Variants in ZNF704 observed in about 807,000 individuals in gnomAD.
ZNF704 encodes zinc finger protein 704.
ZNF704 carries 10 observed loss-of-function variants against 44.7 expected under a neutral mutation model. The observed-to-expected ratio is 0.22, with a 90% CI of 0.14 to 0.38. The LOEUF is 0.38. Among genes scored for constraint, ZNF704 ranks in the 10% least tolerant of loss-of-function variants. The pLI, the probability that ZNF704 is intolerant of heterozygous loss-of-function variation, is 1.00. For synonymous variants in ZNF704, 211 were observed against 207.6 expected, an observed-to-expected ratio of 1.02 and a Z score of -0.14; for missense variants, 390 against 545.5, an observed-to-expected ratio of 0.71 and a Z score of 2.84.
At chr8:80,705,279 G>C (rs758986142) in intron 2 of ZNF704, among the ~76,000 whole-genome samples, 35 of 152,186 alleles carry the variant, frequency 2.3e-4, no homozygotes, top group Admixed American at 5.9e-4. Context: ...TGTGTTTTGT[G>C]TGTCTCTGTG....
intron 6 of ZNF704, among the ~76,000 whole-genome samples, chr8:80,664,409 T>C (rs751182675): frequency 1.3e-5 from 2 of 152,138 alleles, no homozygotes; most frequent in South Asian, 4.2e-4. Flanking sequence ...GTAGCTGGGA[T>C]TACAGGCATG....
In ZNF704 at chr8:80,676,537, A is replaced by C. The variant is rs1371220789; in HGVS notation, c.559-5934T>G. On this transcript the variant is annotated intron_variant, in intron 4 of 8. Coordinates refer to ENST00000327835, the MANE Select transcript of ZNF704 (RefSeq NM_001033723.3). Reference sequence around the variant, plus strand: ...TTGCTAATTTGGTGGAGAAGGGAAAAAAAGGAATTCCTGTATGACTGTTTC... The same window carrying C: ...TTGCTAATTTGGTGGAGAAGGGAAACAAAGGAATTCCTGTATGACTGTTTC... Among the ~76,000 whole-genome samples the C allele has an allele frequency of 2.0e-5, 3 of 152,176 alleles. No homozygotes were observed. In the East Asian group the frequency reaches 5.8e-4, roughly 29 times the overall value.
chr8:80,642,523 C>T (rs574396753), intron 8 of ZNF704, among the ~76,000 whole-genome samples: 1 of 152,336 alleles, frequency 6.6e-6, no homozygotes, highest in African/African-American at 2.4e-5. Context: ...CACGAAATTT[C>T]ATCACACTAC....
chr8:80,791,990 A>C (rs549497963), intron 2 of ZNF704, among the ~76,000 whole-genome samples: 1 of 152,310 alleles, frequency 6.6e-6, no homozygotes, highest in Admixed American at 6.5e-5. Context: ...TTGGCCCACA[A>C]ACATTTGCTG....
At chr8:80,809,521 C>T (rs954999081) in intron 2 of ZNF704, among the ~76,000 whole-genome samples, 1 of 152,116 alleles carries the variant, frequency 6.6e-6, no homozygotes, top group East Asian at 1.9e-4. Context: ...TTGCCAAATC[C>T]AGCCAAAACA....
rs906617770 is a variant in ZNF704, at chr8:80,742,245, C to T, written c.222-49138G>A. Among the ~76,000 whole-genome samples, 4 of 152,174 alleles carry T rather than the reference C, an allele frequency of 2.6e-5. No homozygotes were observed. In the South Asian group the frequency reaches 8.3e-4, roughly 32 times the overall value. On this transcript the variant is annotated intron_variant, in intron 2 of 8. Transcript: ENST00000327835. ...ATTAGAAATGCTTATAGAAGGACCCCTCTTATGGGGTAACCCCCTCCAGGA... is the reference window on the plus strand; with the variant it reads ...ATTAGAAATGCTTATAGAAGGACCCTTCTTATGGGGTAACCCCCTCCAGGA...
chr8:80,730,218 T>C (rs988379074), intron 2 of ZNF704, among the ~76,000 whole-genome samples: 1 of 152,176 alleles, frequency 6.6e-6, no homozygotes, highest in Non-Finnish European at 1.5e-5. Flanking sequence ...AAAATATTGT[T>C]TGTGTGCTCC....
chr8:80,866,339 G>T (rs951703392), intron 1 of ZNF704, among the ~76,000 whole-genome samples: 1 of 152,168 alleles, frequency 6.6e-6, no homozygotes, highest in Non-Finnish European at 1.5e-5. Context: ...GCGGAAGAAG[G>T]CCTATTTACT....
intron 4 of ZNF704, among the ~76,000 whole-genome samples, chr8:80,677,000 G>A (rs1223905067): frequency 6.6e-6 from 1 of 152,146 alleles, no homozygotes; most frequent in East Asian, 1.9e-4. Context: ...CTTAGAGAGT[G>A]GGAAAGGAAT....
chr8:80,734,565 T>C (rs1397883109), intron 2 of ZNF704, among the ~76,000 whole-genome samples: 3 of 152,224 alleles, frequency 2.0e-5, no homozygotes, highest in Admixed American at 6.5e-5. Flanking sequence ...CCAGATGTGA[T>C]GCTGTCACTT....
upstream of ZNF704, among the ~76,000 whole-genome samples, chr8:80,877,874 GA>G (rs1428735527): frequency 6.6e-6 from 1 of 152,184 alleles, no homozygotes; most frequent in Non-Finnish European, 1.5e-5. Context: ...AAAATAAAAG[GA>G]GGGGTAGAAG....
intron 2 of ZNF704, among the ~76,000 whole-genome samples, chr8:80,698,731 T>TCA (rs1264105703): frequency 6.6e-6 from 1 of 152,192 alleles, no homozygotes; most frequent in Non-Finnish European, 1.5e-5. Flanking sequence ...GAAGAGGCAA[T>TCA]CAGCGCAGTG....
At chr8:80,875,992 G>A (rs1809352042), upstream of ZNF704, among the ~76,000 whole-genome samples, 2 of 152,086 alleles carry the variant, frequency 1.3e-5, no homozygotes, top group African/African-American at 4.8e-5. Context: ...ATCCCTAGAG[G>A]CAATTGCCCA....
chr8:80,739,484 A>C (rs917784387), intron 2 of ZNF704, among the ~76,000 whole-genome samples: 2 of 152,192 alleles, frequency 1.3e-5, no homozygotes, highest in Non-Finnish European at 2.9e-5. Flanking sequence ...TATGCTAACA[A>C]ACTCAGGGAG....
chr8:80,735,536 T>C (rs1806651914), intron 2 of ZNF704, among the ~76,000 whole-genome samples: 1 of 152,170 alleles, frequency 6.6e-6, no homozygotes, highest in Non-Finnish European at 1.5e-5. Flanking sequence ...ATATTCAACT[T>C]AGTGTCCAAA....
chr8:80,687,157 G>T, intron 4 of ZNF704, 69 bp downstream of exon 4: 1 of 1,356,230 alleles, frequency 7.4e-7, no homozygotes, highest in Non-Finnish European at 1.0e-6. Flanking sequence ...GCTCACACCG[G>T]CCCTTCAGAG....
At chr8:80,791,483 G>A (rs2129749695) in intron 2 of ZNF704, among the ~76,000 whole-genome samples, 1 of 152,290 alleles carries the variant, frequency 6.6e-6, no homozygotes, top group Admixed American at 6.5e-5. Flanking sequence ...AAGTTTGGTG[G>A]CTCACACAGG....
At chr8:80,716,925 C>T (rs1392278003) in intron 2 of ZNF704, among the ~76,000 whole-genome samples, 3 of 152,228 alleles carry the variant, frequency 2.0e-5, no homozygotes, top group African/African-American at 7.2e-5. Context: ...CTGCTATTCA[C>T]TGTCAGCTTC....
At chr8:80,777,881 C>CAAA (rs1310505808) in intron 2 of ZNF704, among the ~76,000 whole-genome samples, 1 of 91,452 alleles carries the variant, frequency 1.1e-5, no homozygotes, top group Non-Finnish European at 2.5e-5. Flanking sequence ...TGCGACTCAA[C>CAAA]AAAAAAAAAA....
Sources: allele counts gnomAD v4.1 joint callset (sites outside exome capture counted in the v4.1 genomes callset), GRCh38; gene constraint gnomAD v4.1.1; transcripts MANE v1.5; gene names NCBI Gene and HGNC (gene_info 2026-07-23, HGNC 2026-07-21).